Variants in NEBL observed in about 807,000 individuals in gnomAD.
NEBL encodes LIM and SH3 protein 2.
A neutral mutation model predicts 140.2 loss-of-function variants in NEBL; 122 were observed. The observed-to-expected ratio is 0.87, with a 90% confidence interval of 0.75 to 1.01. The LOEUF is 1.01. Ranked by LOEUF, NEBL falls within the 50% of genes least tolerant of loss-of-function variation. The probability of loss-of-function intolerance (pLI) is 0.00; values close to 1 mark genes in which losing one functional copy is unlikely to be tolerated. For missense variants in NEBL, 1,365 were observed against 1,231.3 expected, an observed-to-expected ratio of 1.11 and a Z score of -1.62; for synonymous variants, 436 against 398.9, an observed-to-expected ratio of 1.09 and a Z score of -1.11.
At chr10:21,113,366 A>T in intron 2 of NEBL, 1 of 425,248 alleles carries the variant, frequency 2.4e-6, no homozygotes, top group Non-Finnish European at 4.4e-6. Flanking sequence ...ATTAAAGCAA[A>T]AATGCAAACA....
chr10:21,156,391 T>G (rs1840338728), intron 2 of NEBL, among the ~76,000 whole-genome samples: 1 of 152,170 alleles, frequency 6.6e-6, no homozygotes, highest in South Asian at 2.1e-4. Context: ...AAGAGAGCAG[T>G]GTGTTTGGGA....
At chr10:20,906,787 T>C (rs1195741518) in intron 4 of NEBL, among the ~76,000 whole-genome samples, 1 of 152,260 alleles carries the variant, frequency 6.6e-6, no homozygotes, top group East Asian at 1.9e-4. Flanking sequence ...GTTTCTCGTG[T>C]GCATTCTATG....
chr10:21,029,841 C>T (rs1833703563), intron 2 of NEBL: 1 of 691,798 alleles, frequency 1.4e-6, no homozygotes, highest in South Asian at 1.6e-5. Context: ...GGCAGAAGGG[C>T]ATTTGGCAGT....
chr10:21,212,873 C>G (rs762846384), intron 3 of NEBL, among the ~76,000 whole-genome samples: 1 of 152,126 alleles, frequency 6.6e-6, no homozygotes, highest in Non-Finnish European at 1.5e-5. Flanking sequence ...TCGATTCAGT[C>G]AAAAATTGTC....
At chr10:21,101,572 C>G (rs1250684483) in intron 2 of NEBL, among the ~76,000 whole-genome samples, 1 of 152,172 alleles carries the variant, frequency 6.6e-6, no homozygotes, top group South Asian at 2.1e-4. Flanking sequence ...GAGCAGAGCC[C>G]CTGCATTAGC....
At chr10:20,907,976 T>C (rs1848168700) in intron 4 of NEBL, among the ~76,000 whole-genome samples, 1 of 152,182 alleles carries the variant, frequency 6.6e-6, no homozygotes, top group South Asian at 2.1e-4. Context: ...GCTGACATTT[T>C]TTGGGAAAGA....
intron 10 of NEBL, among the ~76,000 whole-genome samples, chr10:20,850,783 A>C (rs1193343224): frequency 6.6e-6 from 1 of 152,222 alleles, no homozygotes; most frequent in African/African-American, 2.4e-5. Context: ...ATATATAGAT[A>C]TGTATCGTAT....
chr10:20,932,757 C>T (rs1834258039), intron 4 of NEBL, among the ~76,000 whole-genome samples: 1 of 152,160 alleles, frequency 6.6e-6, no homozygotes, highest in South Asian at 2.1e-4. Context: ...AATCGTTGTG[C>T]TATTTCTTCA....
At chr10:20,817,893 A>G (rs1209653943) in intron 20 of NEBL, among the ~76,000 whole-genome samples, 1 of 152,200 alleles carries the variant, frequency 6.6e-6, no homozygotes, top group Non-Finnish European at 1.5e-5. Context: ...TACTGTTTAA[A>G]TATGTCTTCA....
At chr10:20,957,345 A>C (rs1455408997) in intron 4 of NEBL, among the ~76,000 whole-genome samples, 1 of 152,214 alleles carries the variant, frequency 6.6e-6, no homozygotes, top group Non-Finnish European at 1.5e-5. Flanking sequence ...TTATATTACA[A>C]GATCAAATTA....
In NEBL at chr10:20,868,747, G is replaced by T. The variant is rs554713061; in HGVS notation, c.601C>A (p.Gln201Lys). 7 of 1,606,180 alleles carry T rather than the reference G, an allele frequency of 4.4e-6. No homozygotes were observed. In the South Asian group the frequency reaches 6.6e-5, roughly 15 times the overall value. ...IISNAEYKKG[Q>K]GIMNKEPAVI... The stretch of plus-strand genomic sequence containing the variant: ...GCGGGCTCTTTATTCATTATTCCTT[G>T]TCCTTTCTTGTATTCTGCCTAAAAT... The change falls in exon 7 of 28, where the codon CAA (glutamine) becomes AAA (lysine). Residue 201 changes from glutamine to lysine, a missense_variant. Gln to Lys is a moderately conservative substitution (Grantham distance 53, BLOSUM62 1). Around this residue, in one of 2 missense-constraint regions of NEBL, gnomAD observed 1,323 missense variants for 1,154.8 expected, o/e 1.15. Coordinates refer to ENST00000377122, the MANE Select transcript of NEBL (RefSeq NM_006393.3).
At chr10:21,219,871 T>C (rs1842042997) in intron 3 of NEBL, among the ~76,000 whole-genome samples, 1 of 152,070 alleles carries the variant, frequency 6.6e-6, no homozygotes, top group South Asian at 2.1e-4. Flanking sequence ...TTTTTTTTTT[T>C]TTTTGGAAAG....
intron 5 of NEBL, among the ~76,000 whole-genome samples, chr10:20,874,574 A>G (rs1316736127): frequency 6.6e-6 from 1 of 152,174 alleles, no homozygotes; most frequent in African/African-American, 2.4e-5. Flanking sequence ...GGAAGAGAGG[A>G]AGAGTACTGG....
chr10:21,280,412 A>G (rs2132297378), intron 1 of NEBL, among the ~76,000 whole-genome samples: 1 of 152,258 alleles, frequency 6.6e-6, no homozygotes, highest in Non-Finnish European at 1.5e-5. Context: ...ATTTCGGGCA[A>G]AGAGCAATGA....
chr10:21,184,629 T>G (rs1841436270), intron 3 of NEBL, among the ~76,000 whole-genome samples: 1 of 152,164 alleles, frequency 6.6e-6, no homozygotes, highest in Non-Finnish European at 1.5e-5. Flanking sequence ...GGGAACTTCA[T>G]CCAATAAAAA....
intron 2 of NEBL, among the ~76,000 whole-genome samples, chr10:21,123,420 T>A (rs1194976523): frequency 6.6e-6 from 1 of 152,238 alleles, no homozygotes; most frequent in Non-Finnish European, 1.5e-5. Context: ...AACTGCATAT[T>A]CTTAAAGTTC....
intron 3 of NEBL, among the ~76,000 whole-genome samples, chr10:20,974,252 CTT>C (rs200215327): frequency 7.8e-5 from 11 of 140,954 alleles, no homozygotes; most frequent in African/African-American, 1.8e-4. Flanking sequence ...AGTTTTTTTT[CTT>C]TTTTTTTTTT....
At chr10:21,290,715 T>A (rs553051687) in intron 1 of NEBL, among the ~76,000 whole-genome samples, 1 of 152,250 alleles carries the variant, frequency 6.6e-6, no homozygotes, top group Admixed American at 6.5e-5. Flanking sequence ...CCCCCAGAGC[T>A]CAGAACTTTG....
At chr10:20,889,017 C>T (rs1379429739) in intron 3 of NEBL, among the ~76,000 whole-genome samples, 1 of 152,184 alleles carries the variant, frequency 6.6e-6, no homozygotes, top group Admixed American at 6.5e-5. Flanking sequence ...GATTTTGGTA[C>T]TTAATGAAAG....
Sources: allele counts gnomAD v4.1 joint callset (sites outside exome capture counted in the v4.1 genomes callset), GRCh38; gene constraint gnomAD v4.1.1; regional missense constraint gnomAD v4.1.1; transcripts MANE v1.5; gene names NCBI Gene and HGNC (gene_info 2026-07-23, HGNC 2026-07-21).